Variants in NLGN4Y observed in about 807,000 individuals in gnomAD.
NLGN4Y encodes neuroligin-4, Y-linked.
A neutral mutation model predicts 8.4 loss-of-function variants in NLGN4Y; 4 were observed. That is an observed-to-expected ratio of 0.48 (90% CI 0.23 to 1.09). The LOEUF (loss-of-function observed/expected upper bound fraction) is 1.09. Ranked by LOEUF, NLGN4Y falls within the 50% of genes least tolerant of loss-of-function variation. The probability of loss-of-function intolerance (pLI) is 0.19; values close to 1 mark genes in which losing one functional copy is unlikely to be tolerated. For missense variants in NLGN4Y, 90 were observed against 192.3 expected (o/e 0.47, Z 3.15); for synonymous variants, 35 against 75.6 (o/e 0.46, Z 2.78).
At chrY:14,825,295 C>G in intron 5 of NLGN4Y, among the ~76,000 whole-genome samples, 1 of 29,503 alleles carries the variant, frequency 3.4e-5, no homozygotes, top group African/African-American at 1.4e-4. Context: ...CTCTGTCTCT[C>G]TCTCTGTTTT....
intron 2 of NLGN4Y, among the ~76,000 whole-genome samples, chrY:14,697,860 G>A (rs2080837101): frequency 3.1e-5 from 1 of 32,742 alleles, no homozygotes. Context: ...GTGATTTAGT[G>A]ATTACTGAAT....
rs755064677 is a variant in NLGN4Y, at chrY:14,613,653, T to G, written c.-111-8356T>G. On this transcript the variant is annotated intron_variant, in intron 1 of 6. Transcript: ENST00000684976. Reference sequence around the variant, plus strand: ...CCACCCTGTGCCCAAATGATCTCATTGTTCAGTTTCCACCTATGAATGAGA... The same window carrying G: ...CCACCCTGTGCCCAAATGATCTCATGGTTCAGTTTCCACCTATGAATGAGA... Among the ~76,000 whole-genome samples the G allele has an allele frequency of 5.1e-4, 17 of 33,528 alleles. No individual in the cohort carries two copies. The East Asian group carries it at 0.014, about 27-fold the overall frequency. 90.0% of individuals were successfully genotyped at this position (33,528 alleles called of 37,273 possible).
chrY:14,742,847 C>G, intron 4 of NLGN4Y, among the ~76,000 whole-genome samples: 4 of 31,900 alleles, frequency 1.3e-4, no homozygotes, highest in African/African-American at 4.9e-4. Context: ...ATTACTAACT[C>G]ATATATGTGC....
At chrY:14,565,469 GA>G (rs2080248617) in intron 1 of NLGN4Y, among the ~76,000 whole-genome samples, 2 of 31,857 alleles carry the variant, frequency 6.3e-5, no homozygotes, top group African/African-American at 2.4e-4. Flanking sequence ...CAAGATTAGA[GA>G]AAAAAGGATA....
intron 2 of NLGN4Y, among the ~76,000 whole-genome samples, chrY:14,648,731 G>A: frequency 1.2e-4 from 4 of 32,052 alleles, no homozygotes. Flanking sequence ...AGGTCTGGGG[G>A]GGTTCATGCC....
At chrY:14,683,556 A>C in intron 2 of NLGN4Y, among the ~76,000 whole-genome samples, 9 of 33,473 alleles carry the variant, frequency 2.7e-4, no homozygotes, top group Non-Finnish European at 7.4e-5. Context: ...GGTAGGCTGC[A>C]TTAGGTGGTA....
chrY:14,783,039 G>C, intron 4 of NLGN4Y, among the ~76,000 whole-genome samples: 1 of 33,610 alleles, frequency 3.0e-5, no homozygotes, highest in Admixed American at 2.7e-4. Context: ...ACTGGATTTT[G>C]TCTTTTGAAA....
At chrY:14,683,587 C>G in intron 2 of NLGN4Y, among the ~76,000 whole-genome samples, 1 of 33,451 alleles carries the variant, frequency 3.0e-5, no homozygotes, top group African/African-American at 1.2e-4. Context: ...CTGAATTCAT[C>G]TGTAAGTTAT....
At chrY:14,576,022 G>T (rs2080296724) in intron 1 of NLGN4Y, among the ~76,000 whole-genome samples, 1 of 33,525 alleles carries the variant, frequency 3.0e-5, no homozygotes, top group Non-Finnish European at 7.4e-5. Context: ...TCCCAGATAG[G>T]CTACTCGGGG....
chrY:14,812,932 TTCCTTCCTTCCC>T lies in NLGN4Y; in HGVS notation c.686-11244_686-11233del, dbSNP rs2043087855. 1.6e-4 allele frequency among the ~76,000 whole-genome samples: 5 copies of T among 30,768 alleles called. No individual in the cohort carries two copies. In the South Asian group the frequency reaches 3.9e-3, roughly 24 times the overall value. The allele number at this position is 30,768 out of a possible 37,273, so 82.5% of individuals were successfully genotyped here. A position where few individuals can be genotyped will look rare whatever the true frequency, so the allele number is the denominator to read the frequency against. On this transcript the variant is annotated intron_variant, in intron 4 of 6. Transcript: ENST00000684976. ...AAAATTTTCTTTCTTCCTATCTTCC[TTCCTTCCTTCCC>T]TCCTTCCTTCCTTCCTTCCTTCCTC...
At chrY:14,590,657 G>C in intron 1 of NLGN4Y, among the ~76,000 whole-genome samples, 1 of 33,745 alleles carries the variant, frequency 3.0e-5, no homozygotes, top group Admixed American at 2.7e-4. Context: ...CAGCAAGATG[G>C]CTGCCACAGG....
chrY:14,550,164 CT>C (rs2080187043), intron 1 of NLGN4Y, among the ~76,000 whole-genome samples: 1 of 34,297 alleles, frequency 2.9e-5, no homozygotes, highest in Non-Finnish European at 7.3e-5. Context: ...TATTTTCTTC[CT>C]TTCCACGATG....
chrY:14,630,722 A>G, intron 2 of NLGN4Y, among the ~76,000 whole-genome samples: 1 of 33,437 alleles, frequency 3.0e-5, no homozygotes, highest in Non-Finnish European at 7.4e-5. Flanking sequence ...TACTTCCAAT[A>G]ATTTCTAGTT....
chrY:14,792,299 C>G, intron 4 of NLGN4Y, among the ~76,000 whole-genome samples: 1 of 33,088 alleles, frequency 3.0e-5, no homozygotes, highest in African/African-American at 1.2e-4. Context: ...ATCCTGGACT[C>G]AAATCTGAAC....
intron 1 of NLGN4Y, among the ~76,000 whole-genome samples, chrY:14,554,199 AT>A (rs1569355926): frequency 2.6e-4 from 2 of 7,775 alleles, no homozygotes; most frequent in Non-Finnish European, 5.2e-4. Flanking sequence ...TTTTTCCTCT[AT>A]TTTTTTTTTT....
At chrY:14,534,262 T>C (rs897842756) in intron 1 of NLGN4Y, among the ~76,000 whole-genome samples, 23 of 33,613 alleles carry the variant, frequency 6.8e-4, no homozygotes, top group Non-Finnish European at 1.7e-3. Flanking sequence ...TGCAAATGAT[T>C]CTTTAAAAAG....
At chrY:14,753,568 T>C (rs2150567026) in intron 4 of NLGN4Y, among the ~76,000 whole-genome samples, 1 of 31,236 alleles carries the variant, frequency 3.2e-5, no homozygotes, top group Admixed American at 3.2e-4. Context: ...ATATAAAAGA[T>C]GATTTTATAT....
Position 14,841,462 on chromosome Y carries a change from A to G in NLGN4Y, c.*200A>G. On this transcript the variant is annotated 3_prime_UTR_variant, in exon 7 of 7. Coordinates refer to ENST00000684976, the MANE Select transcript of NLGN4Y (RefSeq NM_001365588.1). ...AGTATTGTGAGATCAATTTCTGACC[A>G]TATGAAATGTGAAAAGTATATGTTT... is the stretch of plus-strand genomic sequence containing the variant. The G allele has an allele frequency of 5.8e-6, 1 of 171,980 alleles. No individual in the cohort carries two copies. The highest frequency in any genetic ancestry group is 3.8e-5 in the South Asian group (1 of 26,237). The allele number at this position is 171,980 out of a possible 400,897, so 42.9% of individuals were successfully genotyped here. A position where few individuals can be genotyped will look rare whatever the true frequency, so the allele number is the denominator to read the frequency against.
Position 14,841,482 on chromosome Y carries a change from A to G in NLGN4Y, c.*220A>G. The stretch of plus-strand genomic sequence containing the variant: ...TGACCATATGAAATGTGAAAAGTAT[A>G]TGTTTCTGTTACAATACTGCTTTAA... On this transcript the variant is annotated 3_prime_UTR_variant, in exon 7 of 7. Transcript: ENST00000684976. 6.1e-6 allele frequency: 1 copy of G among 162,854 alleles called. No individual in the cohort carries two copies. Among genetic ancestry groups the G allele is most frequent in the Admixed American group, 9.2e-5 (1 of 10,885 alleles). 40.6% of individuals were successfully genotyped at this position (162,854 alleles called of 400,897 possible). A position where few individuals can be genotyped will look rare whatever the true frequency, so the allele number is the denominator to read the frequency against.
Sources: allele counts gnomAD v4.1 joint callset (sites outside exome capture counted in the v4.1 genomes callset), GRCh38; gene constraint gnomAD v4.1.1; transcripts MANE v1.5; gene names NCBI Gene and HGNC (gene_info 2026-07-23, HGNC 2026-07-21).